Variants in ANO3 observed in about 807,000 individuals in gnomAD.
The protein encoded by ANO3 is anoctamin-3.
ANO3 carries 99 observed loss-of-function variants against 144.8 expected under a neutral mutation model. The ratio of observed to expected loss-of-function variants is 0.68; its 90% CI spans 0.58 to 0.81. ANO3 has a LOEUF of 0.81. ANO3 is among the 30% of genes least tolerant of loss of function. The pLI, the probability that ANO3 is intolerant of heterozygous loss-of-function variation, is 0.00. For missense variants in ANO3, 905 were observed against 1,202.2 expected (o/e 0.75, Z 3.66); for synonymous variants, 414 against 392.6 (o/e 1.05, Z -0.64).
chr11:26,267,172 TCACG>T (rs200858152), intron 1 of ANO3, among the ~76,000 whole-genome samples: 1 of 151,306 alleles, frequency 6.6e-6, no homozygotes, highest in Non-Finnish European at 1.5e-5. Context: ...AGAAGGACCT[TCACG>T]CACGCACGCA....
At chr11:26,563,945 A>G (rs1459035539) in intron 14 of ANO3, among the ~76,000 whole-genome samples, 2 of 152,006 alleles carry the variant, frequency 1.3e-5, no homozygotes, top group East Asian at 3.9e-4. Context: ...TCTGAACTGA[A>G]ATTTAGTACA....
At chr11:26,499,304 T>G (rs1259103595) in intron 4 of ANO3, among the ~76,000 whole-genome samples, 3 of 151,880 alleles carry the variant, frequency 2.0e-5, no homozygotes, top group Non-Finnish European at 4.4e-5. Flanking sequence ...TGTAATTGCA[T>G]GTACCAGCTT....
chr11:26,646,280 A>C (rs1213437430), intron 23 of ANO3, among the ~76,000 whole-genome samples: 1 of 152,154 alleles, frequency 6.6e-6, no homozygotes, highest in Non-Finnish European at 1.5e-5. Context: ...AAATTTTATA[A>C]CCATTTACTT....
chr11:26,595,460 G>GTTGTTTTTTTT (rs1301892343), intron 14 of ANO3, among the ~76,000 whole-genome samples: 8 of 101,388 alleles, frequency 7.9e-5, no homozygotes, highest in African/African-American at 3.3e-4. Flanking sequence ...AGATAGAGTT[G>GTTGTTTTTTTT]TTTTTTTTTT....
chr11:26,358,801 G>A (rs1411401820), intron 1 of ANO3, among the ~76,000 whole-genome samples: 1 of 151,678 alleles, frequency 6.6e-6, no homozygotes, highest in East Asian at 1.9e-4. Context: ...CTTTAATTTT[G>A]GATTGTTTTT....
At chr11:26,388,859 C>T (rs1856803113) in intron 1 of ANO3, among the ~76,000 whole-genome samples, 1 of 152,106 alleles carries the variant, frequency 6.6e-6, no homozygotes, top group South Asian at 2.1e-4. Flanking sequence ...CGCACATACA[C>T]ACACCCTAAA....
At chr11:26,217,548 G>A (rs890594053) in intron 1 of ANO3, among the ~76,000 whole-genome samples, 1 of 151,962 alleles carries the variant, frequency 6.6e-6, no homozygotes, top group African/African-American at 2.4e-5. Flanking sequence ...TCTTAGACAT[G>A]TTTTACATAG....
At chr11:26,590,828 G>A (rs1051945829) in intron 14 of ANO3, among the ~76,000 whole-genome samples, 3 of 152,152 alleles carry the variant, frequency 2.0e-5, no homozygotes, top group African/African-American at 4.8e-5. Flanking sequence ...GTGGTGGACG[G>A]CAAGCGAAAG....
chr11:26,504,696 G>A (rs1354480028), intron 4 of ANO3, among the ~76,000 whole-genome samples: 12 of 151,916 alleles, frequency 7.9e-5, no homozygotes, highest in African/African-American at 2.4e-4. Context: ...GGGATAACTC[G>A]GCTGTCATGT....
chr11:26,588,450 G>T (rs890234766), intron 14 of ANO3, among the ~76,000 whole-genome samples: 8 of 152,008 alleles, frequency 5.3e-5, no homozygotes, highest in African/African-American at 1.7e-4. Context: ...TTTAACAAAG[G>T]TTACCTCAAT....
chr11:26,400,359 G>T (rs1857117144), intron 1 of ANO3, among the ~76,000 whole-genome samples: 1 of 151,972 alleles, frequency 6.6e-6, no homozygotes, highest in African/African-American at 2.4e-5. Flanking sequence ...ATAAAAGAAT[G>T]TATACCATAC....
At chr11:26,582,062 A>C (rs1459097277) in intron 14 of ANO3, among the ~76,000 whole-genome samples, 1 of 152,202 alleles carries the variant, frequency 6.6e-6, no homozygotes, top group East Asian at 1.9e-4. Flanking sequence ...GTAACAGCAG[A>C]ATTTTATCAT....
At chr11:26,541,632 G>T (rs1247932206) in intron 10 of ANO3, among the ~76,000 whole-genome samples, 2 of 73,244 alleles carry the variant, frequency 2.7e-5, no homozygotes, top group African/African-American at 8.0e-5. Context: ...TCTCAATGAT[G>T]GTGAAGATAT....
intron 1 of ANO3, among the ~76,000 whole-genome samples, chr11:26,271,970 T>C (rs190874650): frequency 1.3e-5 from 2 of 152,064 alleles, no homozygotes; most frequent in African/African-American, 4.8e-5. Context: ...GATTTAGGTA[T>C]TTATATCTTT....
intron 1 of ANO3, among the ~76,000 whole-genome samples, chr11:26,393,815 C>T (rs1427897578): frequency 6.6e-6 from 1 of 152,096 alleles, no homozygotes; most frequent in African/African-American, 2.4e-5. Context: ...TTGAAAACTT[C>T]ACATAAATAG....
At chr11:26,258,885 G>A (rs933212088) in intron 1 of ANO3, among the ~76,000 whole-genome samples, 1 of 152,108 alleles carries the variant, frequency 6.6e-6, no homozygotes, top group African/African-American at 2.4e-5. Context: ...CTTTAAATAG[G>A]TAGACACATC....
At chr11:26,482,426 ATGTGTGTGTGTGTGTG>A (rs58664691) in intron 4 of ANO3, among the ~76,000 whole-genome samples, 77 of 141,112 alleles carry the variant, frequency 5.5e-4, no homozygotes, top group Middle Eastern at 7.0e-3. Flanking sequence ...ACACAGATAT[ATGTGTGTGTGTGTGTG>A]TGTGTGTGTG....
chr11:26,413,196 G>A lies in ANO3; in HGVS notation c.47-28722G>A, dbSNP rs535889917. On this transcript the variant is annotated intron_variant, in intron 1 of 26. Transcript: ENST00000256737. ...GTTGCCCATGGTGATCATAAAAGCA[G>A]GCAGAGGAAATGAAGGAAACGCTGC... 2.6e-5 allele frequency among the ~76,000 whole-genome samples: 4 copies of A among 152,036 alleles called. No homozygotes were observed. The South Asian group carries it at 8.3e-4, about 32-fold the overall frequency.
chr11:26,603,636 GT>G (rs1355627735), intron 17 of ANO3, among the ~76,000 whole-genome samples: 4 of 151,136 alleles, frequency 2.6e-5, no homozygotes, highest in African/African-American at 9.7e-5. Flanking sequence ...GGATATAAAA[GT>G]TTACTTGATT....
Sources: allele counts gnomAD v4.1 joint callset (sites outside exome capture counted in the v4.1 genomes callset), GRCh38; gene constraint gnomAD v4.1.1; transcripts MANE v1.5; gene names NCBI Gene and HGNC (gene_info 2026-07-23, HGNC 2026-07-21).